TNNC2: variants seen among roughly 807,000 people sequenced by gnomAD.
TNNC2 encodes troponin C, skeletal muscle.
Under a neutral mutation model 20.0 loss-of-function variants are expected in TNNC2, and 14 were observed. The ratio of observed to expected loss-of-function variants is 0.70; its 90% CI spans 0.46 to 1.09. The LOEUF (loss-of-function observed/expected upper bound fraction) is 1.09. TNNC2 is among the 50% of genes least tolerant of loss of function. TNNC2 has a pLI of 0.00. For missense variants in TNNC2, 163 were observed against 223.8 expected (o/e 0.73, Z 1.73); for synonymous variants, 81 against 77.3 (o/e 1.05, Z -0.25).
chr20:45,829,080 A>G (rs1983044665), upstream of TNNC2, among the ~76,000 whole-genome samples: 1 of 151,992 alleles, frequency 6.6e-6, no homozygotes, highest in Non-Finnish European at 1.5e-5. Context: ...TCCTAGGTTC[A>G]AGTGATTCTC....
Position 45,823,317 on chromosome 20 carries a change from C to G in TNNC2, c.*31G>C, listed in dbSNP as rs766413846. The stretch of plus-strand genomic sequence containing the variant: ...CGGAGTCTCCCACACCCTAGGGACA[C>G]GCGATCTTGGTAGAGGCGACTGTCC... On this transcript the variant is annotated 3_prime_UTR_variant, in exon 6 of 6. Coordinates refer to ENST00000372555, the MANE Select transcript of TNNC2 (RefSeq NM_003279.3). This position sits in a 1 kb window ranked among gnomAD's most constrained non-coding sequence, Gnocchi z 4.6. 6.4e-7 allele frequency: 1 copy of G among 1,568,904 alleles called. No individual in the cohort carries two copies. Among genetic ancestry groups the G allele is most frequent in the Admixed American group, 1.9e-5 (1 of 52,588 alleles).
chr20:45,823,269 T>A lies in TNNC2; in HGVS notation c.*79A>T. On this transcript the variant is annotated 3_prime_UTR_variant, in exon 6 of 6. Transcript: ENST00000372555. This position sits in a 1 kb window ranked among gnomAD's most constrained non-coding sequence, Gnocchi z 4.6. Reference sequence around the variant, plus strand: ...ACAAAGACCCACAAGGGGTCGCGCCTCCCTGGTGGGGACCCGGCAGGGCGG... The same window carrying A: ...ACAAAGACCCACAAGGGGTCGCGCCACCCTGGTGGGGACCCGGCAGGGCGG... 7.2e-7 allele frequency: 1 copy of A among 1,383,844 alleles called. No homozygotes were observed. Among genetic ancestry groups the A allele is most frequent in the Non-Finnish European group, 9.7e-7 (1 of 1,028,448 alleles). The allele number at this position is 1,383,844 out of a possible 1,614,324, so 85.7% of individuals were successfully genotyped here.
Position 45,823,217 on chromosome 20 carries a change from T to G in TNNC2, c.*131A>C. 2.3e-6 allele frequency: 2 copies of G among 885,714 alleles called. No homozygotes were observed. Among genetic ancestry groups the G allele is most frequent in the Non-Finnish European group, 1.6e-6 (1 of 621,008 alleles). 54.9% of individuals were successfully genotyped at this position (885,714 alleles called of 1,614,324 possible). ...CTCCCCTCATTCAGGCCACGAGTTT[T>G]GGAACATTTGCTTTTATTCCTTCCA... is the stretch of plus-strand genomic sequence containing the variant. On this transcript the variant is annotated 3_prime_UTR_variant, in exon 6 of 6. Coordinates refer to ENST00000372555, the MANE Select transcript of TNNC2 (RefSeq NM_003279.3). The surrounding 1 kb of genome is among the most constrained non-coding windows in gnomAD (Gnocchi z 4.6).
intron 1 of TNNC2, among the ~76,000 whole-genome samples, chr20:45,825,306 G>T (rs1188593315): frequency 8.1e-5 from 12 of 147,994 alleles, no homozygotes; most frequent in African/African-American, 3.0e-4. Flanking sequence ...TTTGCTTTTT[G>T]TTTTTGTGAC....
chr20:45,832,782 C>T (rs539559004), intron 2 of TNNC2, among the ~76,000 whole-genome samples: 3 of 152,338 alleles, frequency 2.0e-5, no homozygotes, highest in East Asian at 1.9e-4. Flanking sequence ...AGCTGCCCTG[C>T]GGATAAAAGA....
upstream of TNNC2, among the ~76,000 whole-genome samples, chr20:45,829,108 G>A (rs536093190): frequency 6.6e-6 from 1 of 151,096 alleles, no homozygotes; most frequent in Non-Finnish European, 1.5e-5. Flanking sequence ...AGCCTTCTGA[G>A]TAGCTAGGAT....
At chr20:45,825,410 G>A (rs1982941678) in intron 1 of TNNC2, among the ~76,000 whole-genome samples, 2 of 152,140 alleles carry the variant, frequency 1.3e-5, no homozygotes, top group African/African-American at 4.8e-5. Flanking sequence ...TCCTCCCTCA[G>A]CCTCTCGAGT....
chr20:45,824,698 C>A lies in TNNC2; in HGVS notation c.56-60G>T, dbSNP rs1982916625. On this transcript the variant is annotated intron_variant, in intron 2 of 5. Coordinates refer to ENST00000372555, the MANE Select transcript of TNNC2 (RefSeq NM_003279.3). ...GCTGGACTGTCAGCCTCACACCTACCCCCCCCCAACCCCCACCCTGCCTAG... is the reference window on the plus strand; with the variant it reads ...GCTGGACTGTCAGCCTCACACCTACACCCCCCCAACCCCCACCCTGCCTAG... 1.1e-5 allele frequency: 17 copies of A among 1,551,208 alleles called. No individual in the cohort carries two copies. The South Asian group carries it at 1.3e-4, about 12-fold the overall frequency.
chr20:45,830,406 G>A (rs1488764100), upstream of TNNC2, among the ~76,000 whole-genome samples: 1 of 149,672 alleles, frequency 6.7e-6, no homozygotes, highest in Non-Finnish European at 1.5e-5. Flanking sequence ...CTTTGCACAT[G>A]CTGTTTTTTT....
At chr20:45,830,585 C>T (rs1212057359), upstream of TNNC2, among the ~76,000 whole-genome samples, 1 of 152,216 alleles carries the variant, frequency 6.6e-6, no homozygotes, top group East Asian at 1.9e-4. Flanking sequence ...ACCTTATGCT[C>T]ACAACCCATT....
chr20:45,825,179 A>G lies in TNNC2; in HGVS notation c.4-345T>C, dbSNP rs6032554. 3.8e-3 allele frequency among the ~76,000 whole-genome samples: 581 copies of G among 152,188 alleles called. 1 individual carries two copies. The highest frequency in any genetic ancestry group is 0.014 in the African/African-American group (563 of 41,516). ...TTTTGTAGAGATGGGGTCCCACTAT[A>G]TTACCCAGGCTGGTTTTGAACTCCT... On this transcript the variant is annotated intron_variant, in intron 1 of 5. Coordinates refer to ENST00000372555, the MANE Select transcript of TNNC2 (RefSeq NM_003279.3).
Position 45,823,593 on chromosome 20 carries a change from G to A in TNNC2, c.452-214C>T, listed in dbSNP as rs759289152. On this transcript the variant is annotated intron_variant, in intron 5 of 5. Transcript: ENST00000372555. The surrounding 1 kb of genome is among the most constrained non-coding windows in gnomAD (Gnocchi z 4.6). ...CAGCCTTGATCTCCTAGGCTCAAGC[G>A]ATCCTCTTACCTCAGCCCCCGGAGC... 3.3e-5 allele frequency among the ~76,000 whole-genome samples: 5 copies of A among 152,114 alleles called. No individual in the cohort carries two copies. The highest frequency in any genetic ancestry group is 5.9e-5 in the Non-Finnish European group (4 of 68,020).
chr20:45,824,505 C>T lies in TNNC2; in HGVS notation c.189G>A (p.Val63=), dbSNP rs1396895615. The T allele has an allele frequency of 6.2e-7, 1 of 1,613,646 alleles. No homozygotes were observed. ...GGGACACCCGCTCACCGTCCTCATCCACCTCCTCGATGATGGCGTCCAGCT... is the reference window on the plus strand; with the variant it reads ...GGGACACCCGCTCACCGTCCTCATCTACCTCCTCGATGATGGCGTCCAGCT... The part of the protein sequence containing the change: ...KEELDAIIEE[V]DEDGSGTIDF... Residue 63 remains valine, a synonymous_variant, in exon 3 of 6, where the codon GTG becomes GTA. Coordinates refer to ENST00000372555, the MANE Select transcript of TNNC2 (RefSeq NM_003279.3).
Position 45,824,484 on chromosome 20 carries a change from C to T in TNNC2, c.199+11G>A. The T allele has an allele frequency of 6.2e-7, 1 of 1,613,362 alleles. No homozygotes were observed. The highest frequency in any genetic ancestry group is 8.5e-7 in the Non-Finnish European group (1 of 1,179,954). ...CCCACCATCCCCTGCCTCCGAGGGA[C>T]ACCCGCTCACCGTCCTCATCCACCT... On this transcript the variant is annotated intron_variant, in intron 3 of 5. Transcript: ENST00000372555.
At chr20:45,832,254 G>A (rs1481134259), upstream of TNNC2, among the ~76,000 whole-genome samples, 1 of 152,172 alleles carries the variant, frequency 6.6e-6, no homozygotes, top group Non-Finnish European at 1.5e-5. Flanking sequence ...AGGTTACAGT[G>A]AGCCAAGATT....
upstream of TNNC2, among the ~76,000 whole-genome samples, chr20:45,828,825 G>A (rs911360671): frequency 6.6e-6 from 1 of 152,154 alleles, no homozygotes; most frequent in East Asian, 1.9e-4. Context: ...ATGGACAGTG[G>A]CAACTGGGCT....
chr20:45,832,226 C>T (rs1983131465), upstream of TNNC2, among the ~76,000 whole-genome samples: 1 of 152,166 alleles, frequency 6.6e-6, no homozygotes, highest in African/African-American at 2.4e-5. Context: ...AGGAGAATTG[C>T]TTGAACCTGG....
intron 2 of TNNC2, 57 bp from the exon 3 acceptor site, chr20:45,824,695 T>TGGCCCCCC: frequency 6.5e-7 from 1 of 1,537,444 alleles, no homozygotes. Flanking sequence ...GCCTCACACC[T>TGGCCCCCC]ACCCCCCCCC....
intron 4 of TNNC2, 62 bp from the exon 5 acceptor site, chr20:45,824,189 T>G: frequency 6.2e-7 from 1 of 1,601,184 alleles, no homozygotes; most frequent in Non-Finnish European, 8.5e-7. Context: ...GCCACCACAC[T>G]CGACGCCCCG....
Sources: allele counts gnomAD v4.1 joint callset (sites outside exome capture counted in the v4.1 genomes callset), GRCh38; gene constraint gnomAD v4.1.1; non-coding constraint Gnocchi (gnomAD v3.1); transcripts MANE v1.5; gene names NCBI Gene and HGNC (gene_info 2026-07-23, HGNC 2026-07-21).